Variants in TG observed in about 807,000 individuals in gnomAD.
The protein encoded by TG is thyroid hormones.
In TG, 270 loss-of-function variants were observed where a neutral mutation model predicts 324.7. That is an observed-to-expected ratio of 0.83 (90% CI 0.75 to 0.92). TG has a LOEUF of 0.92. Ranked by LOEUF, TG falls within the 40% of genes least tolerant of loss-of-function variation. The pLI, the probability that TG is intolerant of heterozygous loss-of-function variation, is 0.00. For missense variants in TG, 3,591 were observed against 3,456.4 expected (o/e 1.04, Z -0.98); for synonymous variants, 1,401 against 1,327.0 (o/e 1.06, Z -1.21).
rs772072270 is a variant in TG at position 132,888,032 on chromosome 8, T to C, written c.2225T>C (p.Val742Ala). The C allele has an allele frequency of 6.2e-7, 1 of 1,614,110 alleles. No homozygotes were observed. The highest frequency in any genetic ancestry group is 2.2e-5 in the East Asian group (1 of 44,864). ...TCTGAGCAAGCTTTCCTCAGGACGG[T>C]GCAGGCCCTGCTCTCTAACTCCAGC... is the stretch of plus-strand genomic sequence containing the variant. ...LQSEQAFLRT[V>A]QALLSNSSML... The change falls in exon 10 of 48, where the codon GTG becomes GCG. Residue 742 changes from valine (V) to alanine (A), a missense_variant. By Grantham distance (64) the Val-to-Ala change is moderately conservative. Coordinates refer to ENST00000220616, the MANE Select transcript of TG (RefSeq NM_003235.5).
At position 132,932,168 on chromosome 8, in the gene TG, G is replaced by C. The variant is rs1822820690; in HGVS notation, c.4817-1393G>C. 2.0e-5 allele frequency among the ~76,000 whole-genome samples: 3 copies of C among 152,062 alleles called. No homozygotes were observed. In the South Asian group the frequency reaches 6.2e-4, roughly 32 times the overall value. ...AAGCCACACAGTTTCTGGGTAAAAT[G>C]ACATCATCGACCTCTCAGTGCCTAG... On this transcript the variant is annotated intron_variant, in intron 23 of 47. Coordinates refer to ENST00000220616, the MANE Select transcript of TG (RefSeq NM_003235.5).
In TG at chr8:133,106,076, AG is replaced by A. The variant is rs1849775985; in HGVS notation, c.7573-7344del. The stretch of plus-strand genomic sequence containing the variant: ...ACTGCCAGGCAGGCACTTTAGCTCT[AG>A]GTGGGGGTGGGACTCATGGAGAGCT... On this transcript the variant is annotated intron_variant, in intron 43 of 47. Coordinates refer to ENST00000220616, the MANE Select transcript of TG (RefSeq NM_003235.5). Among the ~76,000 whole-genome samples the A allele has an allele frequency of 2.0e-5, 3 of 148,198 alleles. 1 individual carries two copies. The South Asian group carries it at 6.8e-4, about 33-fold the overall frequency.
At chr8:133,132,037 A>G (rs1851984476) in intron 46 of TG, 91 bp downstream of exon 46, 1 of 1,568,184 alleles carries the variant, frequency 6.4e-7, no homozygotes, top group Non-Finnish European at 8.8e-7. Flanking sequence ...TTGCATCGAT[A>G]GACTCATCCT....
Position 132,867,127 on chromosome 8 carries a change from C to T in TG, c.67+60C>T, listed in dbSNP as rs1209273772. On this transcript the variant is annotated intron_variant, in intron 1 of 47. Transcript: ENST00000220616. ...AGGGAGCTCCAGTGTCAGCCAGGCT[C>T]TGCCCTGGGCCTTCGAACAGGTGCG... 3.5e-6 allele frequency: 5 copies of T among 1,446,020 alleles called. No individual in the cohort carries two copies. In the African/African-American group the frequency reaches 5.6e-5, roughly 16 times the overall value. 89.6% of individuals were successfully genotyped at this position (1,446,020 alleles called of 1,614,324 possible). A position where few individuals can be genotyped will look rare whatever the true frequency, so the allele number is the denominator to read the frequency against.
At chr8:133,128,489 T>G (rs1184469291) in intron 45 of TG, among the ~76,000 whole-genome samples, 1 of 152,006 alleles carries the variant, frequency 6.6e-6, no homozygotes, top group Non-Finnish European at 1.5e-5. Context: ...CAACTTACAG[T>G]TTTTAAAGGA....
In TG at chr8:132,972,666, G is replaced by T. The variant is rs926306065; in HGVS notation, c.6124G>T (p.Ala2042Ser). The T allele has an allele frequency of 6.2e-7, 1 of 1,613,440 alleles. No homozygotes were observed. The highest frequency in any genetic ancestry group is 8.5e-7 in the Non-Finnish European group (1 of 1,179,940). Residue 2042 changes from alanine to serine, a missense_variant, in exon 34 of 48, where the codon GCC becomes TCC. Transcript: ENST00000220616. ...GATGTGCAGTGAGGAGAATGGAGGA[G>T]CCTGGCGCATTTTGGACTGTGGCTC... ...IQMCSEENGG[A>S]WRILDCGSPD...
intron 43 of TG, among the ~76,000 whole-genome samples, chr8:133,106,825 C>G (rs923264389): frequency 6.6e-6 from 1 of 152,170 alleles, no homozygotes; most frequent in Non-Finnish European, 1.5e-5. Context: ...CCCATGCAGG[C>G]AGAGAACAGC....
chr8:132,960,204 A>G (rs1206406590), intron 27 of TG, among the ~76,000 whole-genome samples: 1 of 152,228 alleles, frequency 6.6e-6, no homozygotes, highest in African/African-American at 2.4e-5. Context: ...AAAGTAAAAT[A>G]AAATAAAAAT....
intron 34 of TG, among the ~76,000 whole-genome samples, chr8:132,980,854 G>A (rs1036537338): frequency 1.1e-4 from 16 of 152,172 alleles, no homozygotes; most frequent in African/African-American, 3.6e-4. Context: ...CACCTAATCA[G>A]TTGTACCATA....
Position 132,898,062 on chromosome 8 carries a change from G to A in TG, c.3140-107G>A, listed in dbSNP as rs924420063. The A allele has an allele frequency of 3.8e-5, 44 of 1,159,546 alleles. No homozygotes were observed. In the East Asian group the frequency reaches 8.4e-4, roughly 22 times the overall value. The allele number at this position is 1,159,546 out of a possible 1,614,324, so 71.8% of individuals were successfully genotyped here. ...GGGGTCTAGACTGGGGACAGAAGGC[G>A]ACCAGGCTTGCACTGCTATGAGTGA... On this transcript the variant is annotated intron_variant, in intron 12 of 47. Transcript: ENST00000220616.
At position 132,869,776 on chromosome 8, in the gene TG, C is replaced by G; in HGVS notation, c.224C>G (p.Ala75Gly). The change falls in exon 3 of 48, where the codon GCC (alanine) becomes GGC (glycine). Residue 75 changes from alanine to glycine, a missense_variant. Physicochemically the swap from Ala to Gly is moderately conservative, Grantham distance 60. Transcript: ENST00000220616. ...GGCCGCTCCTGCTGGTGTGTGGGTG[C>G]CAACGGCAGTGAAGTGCTGGGCAGC... ...NDGRSCWCVG[A>G]NGSEVLGSRQ... 1 of 1,614,126 alleles carries G rather than the reference C, an allele frequency of 6.2e-7. No individual in the cohort carries two copies. The highest frequency in any genetic ancestry group is 1.1e-5 in the South Asian group (1 of 91,088).
At chr8:133,003,128 T>A in intron 35 of TG, 1 of 633,700 alleles carries the variant, frequency 1.6e-6, no homozygotes, top group Middle Eastern at 6.3e-4. Context: ...TTTTGGCAAT[T>A]TTTAACAGCT....
chr8:133,071,292 T>G lies in TG; in HGVS notation c.7240-23752T>G, dbSNP rs552082314. On this transcript the variant is annotated intron_variant, in intron 41 of 47. Coordinates refer to ENST00000220616, the MANE Select transcript of TG (RefSeq NM_003235.5). ...AACCGGGGAAACCAAGGCCAGAGCA[T>G]TCACATAATGTGTCGGAGTTTGCCC... is the stretch of plus-strand genomic sequence containing the variant. Among the ~76,000 whole-genome samples the G allele has an allele frequency of 3.1e-4, 47 of 152,338 alleles. 3 individuals are homozygous for G. The South Asian group carries it at 9.3e-3, about 30-fold the overall frequency.
At chr8:132,996,227 A>G (rs1363977424) in intron 35 of TG, among the ~76,000 whole-genome samples, 1 of 152,218 alleles carries the variant, frequency 6.6e-6, no homozygotes, top group Non-Finnish European at 1.5e-5. Flanking sequence ...GTGTTTTATA[A>G]ACTAGAACAC....
chr8:132,990,615 C>T (rs889556552), intron 35 of TG, among the ~76,000 whole-genome samples: 4 of 152,126 alleles, frequency 2.6e-5, no homozygotes, highest in African/African-American at 9.7e-5. Context: ...TGACCACACA[C>T]AATCATATAT....
chr8:133,025,969 G>T (rs768076366), intron 40 of TG, among the ~76,000 whole-genome samples: 85 of 152,256 alleles, frequency 5.6e-4, no homozygotes, highest in Non-Finnish European at 2.4e-4. Flanking sequence ...GCTAAGTCTT[G>T]CAGGGCGTCT....
At chr8:133,081,003 G>C (rs1289737526) in intron 41 of TG, among the ~76,000 whole-genome samples, 1 of 152,266 alleles carries the variant, frequency 6.6e-6, no homozygotes, top group African/African-American at 2.4e-5. Context: ...AGCAAGAGAG[G>C]ATTTGAAGTA....
intron 27 of TG, among the ~76,000 whole-genome samples, chr8:132,956,825 C>T (rs1587565429): frequency 6.6e-6 from 1 of 151,974 alleles, no homozygotes; most frequent in Non-Finnish European, 1.5e-5. Flanking sequence ...ATTAGCTAAA[C>T]CTAATGGAGT....
intron 25 of TG, among the ~76,000 whole-genome samples, chr8:132,937,967 C>T (rs994035160): frequency 8.5e-5 from 13 of 152,146 alleles, no homozygotes; most frequent in Non-Finnish European, 1.9e-4. Flanking sequence ...ATGTGCCCGG[C>T]AGCCGTTCTA....
Sources: allele counts gnomAD v4.1 joint callset (sites outside exome capture counted in the v4.1 genomes callset), GRCh38; gene constraint gnomAD v4.1.1; transcripts MANE v1.5; gene names NCBI Gene and HGNC (gene_info 2026-07-23, HGNC 2026-07-21).